The following TEC variants were observed in gnomAD, a reference collection of about 807,000 sequenced individuals.
TEC encodes the protein tec protein tyrosine kinase.
Under a neutral mutation model 93.0 loss-of-function variants are expected in TEC, and 72 were observed. The ratio of observed to expected loss-of-function variants is 0.77; its 90% CI spans 0.64 to 0.94. The LOEUF is 0.94. Among genes scored for constraint, TEC ranks in the 40% least tolerant of loss-of-function variants. The probability of loss-of-function intolerance (pLI) is 0.00; values close to 1 mark genes in which losing one functional copy is unlikely to be tolerated. For synonymous variants in TEC, 249 were observed against 247.7 expected (o/e 1.01, Z -0.05); for missense variants, 630 against 757.9 (o/e 0.83, Z 1.98).
chr4:48,179,054 G>A (rs1313494247), intron 2 of TEC, among the ~76,000 whole-genome samples: 1 of 152,020 alleles, frequency 6.6e-6, no homozygotes, highest in Non-Finnish European at 1.5e-5. Flanking sequence ...CTGACTTTGG[G>A]TTGTCCTGGT....
intron 17 of TEC, 127 bp from the exon 18 acceptor site, chr4:48,137,626 G>A (rs1387503251): frequency 1.4e-6 from 1 of 735,990 alleles, no homozygotes; most frequent in Non-Finnish European, 2.3e-6. Context: ...GGACATACAG[G>A]CATCTCCAAA....
At chr4:48,149,422 T>C in intron 11 of TEC, 135 bp downstream of exon 11, 2 of 852,378 alleles carry the variant, frequency 2.3e-6, no homozygotes, top group South Asian at 2.3e-5. Context: ...ATTCCTTTAA[T>C]ATGCAGTAAT....
intron 2 of TEC, among the ~76,000 whole-genome samples, chr4:48,219,720 T>G (rs1723194570): frequency 6.6e-6 from 1 of 152,152 alleles, no homozygotes; most frequent in South Asian, 2.1e-4. Context: ...GTCAATCACT[T>G]AGAAGATTCA....
At chr4:48,139,861 A>G (rs1213027128) in intron 15 of TEC, among the ~76,000 whole-genome samples, 1 of 152,252 alleles carries the variant, frequency 6.6e-6, no homozygotes, top group Non-Finnish European at 1.5e-5. Flanking sequence ...TGCTATGTAG[A>G]CAAAGATGGT....
intron 1 of TEC, among the ~76,000 whole-genome samples, chr4:48,255,451 T>C (rs772769075): frequency 1.3e-5 from 2 of 152,110 alleles, no homozygotes; most frequent in Non-Finnish European, 2.9e-5. Context: ...CATCCCTGGG[T>C]AGTGTCAACT....
At position 48,145,142 on chromosome 4, in the gene TEC, C is replaced by T. The variant is rs1560373331; in HGVS notation, c.1407G>A (p.Met469Ile). ...CCATCCCTTCACACACATCCTGACA[C>T]ATGCTCAGCAGTACGTCTCTACTGA... ...GHFSRDVLLS[M>I]CQDVCEGMEY... Residue 469 changes from methionine (M) to isoleucine (I), a missense_variant, in exon 14 of 18, where the codon ATG becomes ATA. This residue lies in a region of TEC where 289 missense variants were observed against 390.0 expected (regional missense o/e 0.74). Coordinates refer to ENST00000381501, the MANE Select transcript of TEC (RefSeq NM_003215.3). 1 of 1,614,050 alleles carries T rather than the reference C, an allele frequency of 6.2e-7. No homozygotes were observed. Among genetic ancestry groups the T allele is most frequent in the Non-Finnish European group, 8.5e-7 (1 of 1,179,972 alleles).
chr4:48,238,673 T>TAAATTTATATATATGTATATAAATTTAC (rs1723850134), intron 1 of TEC, among the ~76,000 whole-genome samples: 2 of 150,324 alleles, frequency 1.3e-5, no homozygotes, highest in African/African-American at 4.9e-5. Flanking sequence ...TATAAATTTA[T>TAAATTTATATATATGTATATAAATTTAC]GTAAATTTAT....
chr4:48,150,715 A>T, intron 10 of TEC, 148 bp downstream of exon 10: 1 of 496,466 alleles, frequency 2.0e-6, no homozygotes, highest in South Asian at 6.6e-5. Context: ...TACAAAAAAC[A>T]GTATATACAC....
intron 1 of TEC, among the ~76,000 whole-genome samples, chr4:48,236,976 A>T (rs991316597): frequency 6.6e-6 from 1 of 152,358 alleles, no homozygotes; most frequent in East Asian, 1.9e-4. Flanking sequence ...ACATATCAAA[A>T]CATCACTATA....
intron 2 of TEC, among the ~76,000 whole-genome samples, chr4:48,216,902 A>G (rs1404805047): frequency 1.3e-5 from 2 of 152,220 alleles, no homozygotes; most frequent in African/African-American, 4.8e-5. Flanking sequence ...CAGATCAAAG[A>G]GTGTTTTTCA....
chr4:48,247,791 T>C (rs763266000), intron 1 of TEC, among the ~76,000 whole-genome samples: 10 of 152,218 alleles, frequency 6.6e-5, no homozygotes, highest in Non-Finnish European at 1.5e-4. Flanking sequence ...CGATGACGCA[T>C]AGCATCATAA....
intron 7 of TEC, among the ~76,000 whole-genome samples, chr4:48,165,627 C>T (rs891163438): frequency 6.6e-5 from 10 of 152,222 alleles, no homozygotes; most frequent in Non-Finnish European, 8.8e-5. Flanking sequence ...GATCAAGCCT[C>T]TAGCTCTACT....
Position 48,245,061 on chromosome 4 carries a change from G to A in TEC, c.-45-16402C>T, listed in dbSNP as rs139971092. On this transcript the variant is annotated intron_variant, in intron 1 of 17. Transcript: ENST00000381501. Reference sequence around the variant, plus strand: ...TGTAACCCCAGCACTTCCGGAGGCCGAGGCGGGAGTATCACGAGGTGAGGA... The same window carrying A: ...TGTAACCCCAGCACTTCCGGAGGCCAAGGCGGGAGTATCACGAGGTGAGGA... Among the ~76,000 whole-genome samples, 1,504 of 152,286 alleles carry A rather than the reference G, an allele frequency of 9.9e-3. 11 individuals carry two copies. Among genetic ancestry groups the A allele is most frequent in the Middle Eastern group, 0.024 (7 of 294 alleles).
chr4:48,175,737 A>G (rs1005806677), intron 3 of TEC, among the ~76,000 whole-genome samples: 3 of 152,216 alleles, frequency 2.0e-5, no homozygotes, highest in African/African-American at 7.2e-5. Context: ...AAAAAAAATA[A>G]CATGATTACC....
chr4:48,214,900 C>G (rs1379179336), intron 2 of TEC, among the ~76,000 whole-genome samples: 2 of 152,086 alleles, frequency 1.3e-5, no homozygotes, highest in Non-Finnish European at 2.9e-5. Flanking sequence ...CTCCTGTAAT[C>G]CCAGCACCTT....
intron 2 of TEC, among the ~76,000 whole-genome samples, chr4:48,195,584 A>C (rs569733764): frequency 6.6e-6 from 1 of 152,270 alleles, no homozygotes; most frequent in East Asian, 1.9e-4. Flanking sequence ...AGTGCTCCAT[A>C]ATTAATTACA....
At position 48,137,109 on chromosome 4, in the gene TEC, T is replaced by A. The variant is rs1323687731; in HGVS notation, c.*307A>T. ...GCATCAGCTAACATGGTCCCATGTG[T>A]GCACCCCTGAATGGCCAAACCCTGG... On this transcript the variant is annotated 3_prime_UTR_variant, in exon 18 of 18. Coordinates refer to ENST00000381501, the MANE Select transcript of TEC (RefSeq NM_003215.3). 3.2e-6 allele frequency: 1 copy of A among 315,192 alleles called. No homozygotes were observed. The highest frequency in any genetic ancestry group is 5.9e-6 in the Non-Finnish European group (1 of 170,356). The allele number at this position is 315,192 out of a possible 1,614,324, so 19.5% of individuals were successfully genotyped here.
chr4:48,257,098 AC>A (rs1331913944), intron 1 of TEC, among the ~76,000 whole-genome samples: 31 of 152,204 alleles, frequency 2.0e-4, no homozygotes, highest in Admixed American at 1.8e-3. Flanking sequence ...CTGCTGCATT[AC>A]AAAAGATGTC....
At chr4:48,184,029 G>T (rs774945138) in intron 2 of TEC, among the ~76,000 whole-genome samples, 1 of 151,954 alleles carries the variant, frequency 6.6e-6, no homozygotes, top group Non-Finnish European at 1.5e-5. Flanking sequence ...AATAGTTATG[G>T]ACTTTTATTA....
Sources: gnomAD v4.1 joint callset for allele counts (sites outside exome capture counted in the v4.1 genomes callset) on GRCh38, gnomAD v4.1.1 for gene constraint, gnomAD v4.1.1 regional missense constraint, MANE v1.5 for transcripts, NCBI Gene and HGNC (gene_info 2026-07-23, HGNC 2026-07-21) for gene names.